Variants in ZNF208 observed in about 807,000 individuals in gnomAD.
ZNF208 encodes the protein zinc finger protein 208.
Under a neutral mutation model 12.1 loss-of-function variants are expected in ZNF208, and 10 were observed. The ratio of observed to expected loss-of-function variants is 0.83; its 90% CI spans 0.51 to 1.40. ZNF208 has a LOEUF of 1.40. Ranked by LOEUF, ZNF208 falls within the 40% of genes most tolerant of loss-of-function variation. The probability of loss-of-function intolerance (pLI) is 0.00; values close to 1 mark genes in which losing one functional copy is unlikely to be tolerated. For missense variants in ZNF208, 1,652 were observed against 1,485.0 expected, an observed-to-expected ratio of 1.11 and a Z score of -1.85; for synonymous variants, 497 against 488.4, an observed-to-expected ratio of 1.02 and a Z score of -0.23.
At position 21,988,883 on chromosome 19, in the gene ZNF208, G is replaced by A; in HGVS notation, c.30C>T (p.Ala10=). The A allele has an allele frequency of 6.2e-7, 1 of 1,613,984 alleles. No individual in the cohort carries two copies. The highest frequency in any genetic ancestry group is 8.5e-7 in the Non-Finnish European group (1 of 1,179,946). The change falls in exon 2 of 4, where the codon GCC becomes GCT. Residue 10 remains alanine, a synonymous_variant. Transcript: ENST00000397126. MGSLTFRDV[A]IEFSLEEWQC... ...GCCACTCCTCCAGAGAGAATTCTAT[G>A]GCCACATCCCTAAATGTCAATGATC...
In ZNF208 at chr19:21,974,345, C is replaced by T. The variant is rs61748345; in HGVS notation, c.689G>A (p.Arg230Lys). 4.0e-5 allele frequency: 64 copies of T among 1,612,634 alleles called. No individual in the cohort carries two copies. In the African/African-American group the frequency reaches 7.4e-4, roughly 19 times the overall value. Residue 230 changes from arginine (R) to lysine (K), a missense_variant, in exon 4 of 4, where the codon AGA becomes AAA. Physicochemically the swap from Arg to Lys is conservative, Grantham distance 26. Coordinates refer to ENST00000397126, the MANE Select transcript of ZNF208 (RefSeq NM_007153.3). ...KSAHTGEKPYRCKECGKAFSK... is the reference protein window; with the variant it reads ...KSAHTGEKPYKCKECGKAFSK... ...AAAGGCTTTGCCACATTCTTTACAT[C>T]TGTAGGGTTTCTCTCCAGTATGAGC...
At chr19:21,955,536 CTT>C (rs1196514221) in intron 4 of ZNF208, among the ~76,000 whole-genome samples, 4 of 152,176 alleles carry the variant, frequency 2.6e-5, no homozygotes, top group East Asian at 1.9e-4. Flanking sequence ...TCTTTTTACT[CTT>C]GTTTCTCTAA....
downstream of ZNF208, among the ~76,000 whole-genome samples, chr19:21,961,496 A>C (rs560341230): frequency 6.6e-6 from 1 of 152,230 alleles, no homozygotes; most frequent in Non-Finnish European, 1.5e-5. Flanking sequence ...AAACATCCTA[A>C]ACAACAGAAA....
In ZNF208 at chr19:21,972,737, T is replaced by C. The variant is rs1568444140; in HGVS notation, c.2297A>G (p.Tyr766Cys). The C allele has an allele frequency of 1.3e-6, 2 of 1,588,764 alleles. No homozygotes were observed. The highest frequency in any genetic ancestry group is 1.7e-6 in the Non-Finnish European group (2 of 1,166,146). ...KAYKWSSTLSYHKKIHTVEKP... is the reference protein window; with the variant it reads ...KAYKWSSTLSCHKKIHTVEKP... ...CTCTACAGTATGAATTTTCTTATGA[T>C]AACTAAGGGTTGAGGACCACTTATA... Residue 766 changes from tyrosine to cysteine, a missense_variant, in exon 4 of 4, where the codon TAT becomes TGT. Around this residue, in one of 3 missense-constraint regions of ZNF208, gnomAD observed 1,239 missense variants for 1,086.2 expected, o/e 1.14. Coordinates refer to ENST00000397126, the MANE Select transcript of ZNF208 (RefSeq NM_007153.3).
chr19:21,959,013 C>G (rs768391372), intron 4 of ZNF208, among the ~76,000 whole-genome samples: 3 of 151,834 alleles, frequency 2.0e-5, no homozygotes, highest in Non-Finnish European at 2.9e-5. Flanking sequence ...ACTTCGGAGG[C>G]TGAGATTGCT....
intron 4 of ZNF208, among the ~76,000 whole-genome samples, chr19:21,958,627 T>G (rs1301507688): frequency 6.6e-6 from 1 of 152,196 alleles, no homozygotes; most frequent in Admixed American, 6.5e-5. Context: ...TAAACCAGAT[T>G]GTTTCTTTTT....
At position 21,968,752 on chromosome 19, in the gene ZNF208, T is replaced by A. The variant is rs1970219028; in HGVS notation, c.*2439A>T. On this transcript the variant is annotated 3_prime_UTR_variant, in exon 4 of 4. Coordinates refer to ENST00000397126, the MANE Select transcript of ZNF208 (RefSeq NM_007153.3). ...CCTTGATTTTTTCGAATGCATTCAGTAGGCTTAGGTAAAACTCTTTGCAAT... is the reference window on the plus strand; with the variant it reads ...CCTTGATTTTTTCGAATGCATTCAGAAGGCTTAGGTAAAACTCTTTGCAAT... Among the ~76,000 whole-genome samples, 1 of 124,576 alleles carries A rather than the reference T, an allele frequency of 8.0e-6. No homozygotes were observed. The allele number at this position is 124,576 out of a possible 152,430, so 81.7% of individuals were successfully genotyped here.
At position 21,968,122 on chromosome 19, in the gene ZNF208, C is replaced by T. The variant is rs1032563256; in HGVS notation, c.*3069G>A. 2 of 152,036 alleles carry T rather than the reference C, an allele frequency of 1.3e-5. No individual in the cohort carries two copies. The highest frequency in any genetic ancestry group is 4.8e-5 in the African/African-American group (2 of 41,414). The allele number at this position is 152,036 out of a possible 1,614,324, so 9.4% of individuals were successfully genotyped here. On this transcript the variant is annotated 3_prime_UTR_variant, in exon 4 of 4. Transcript: ENST00000397126. ...ATTTTTTTTGAAGTCTTTTTCCAGGCTTAGAACTCTTTTGGTGAAACCTTT... is the reference window on the plus strand; with the variant it reads ...ATTTTTTTTGAAGTCTTTTTCCAGGTTTAGAACTCTTTTGGTGAAACCTTT...
chr19:21,952,248 G>A (rs1969901130), intron 4 of ZNF208, among the ~76,000 whole-genome samples: 1 of 152,158 alleles, frequency 6.6e-6, no homozygotes, highest in Non-Finnish European at 1.5e-5. Context: ...GCAGCAGATA[G>A]CTTCTGCAGA....
At chr19:21,956,836 C>T (rs936590709) in intron 4 of ZNF208, among the ~76,000 whole-genome samples, 1 of 152,136 alleles carries the variant, frequency 6.6e-6, no homozygotes, top group African/African-American at 2.4e-5. Flanking sequence ...ATAGGCTGCA[C>T]CCACTGTCCA....
chr19:21,989,515 C>T (rs2145568788), intron 1 of ZNF208, among the ~76,000 whole-genome samples: 1 of 152,166 alleles, frequency 6.6e-6, no homozygotes, highest in East Asian at 1.9e-4. Flanking sequence ...CAAGTCTTTG[C>T]TATTGTGAAT....
chr19:21,980,877 G>A (rs959813704), intron 3 of ZNF208, among the ~76,000 whole-genome samples: 2 of 151,990 alleles, frequency 1.3e-5, no homozygotes, highest in Non-Finnish European at 2.9e-5. Context: ...TAATAAAGGG[G>A]ACATCACCAC....
intron 4 of ZNF208, among the ~76,000 whole-genome samples, chr19:21,949,659 A>G (rs1268236962): frequency 6.6e-6 from 1 of 152,188 alleles, no homozygotes; most frequent in Non-Finnish European, 1.5e-5. Context: ...CCCATAAGGA[A>G]GGCATTTAAT....
Position 21,971,422 on chromosome 19 carries a change from T to C in ZNF208, c.3612A>G (p.Lys1204=). 6.2e-7 allele frequency: 1 copy of C among 1,610,076 alleles called. No homozygotes were observed. The highest frequency in any genetic ancestry group is 8.5e-7 in the Non-Finnish European group (1 of 1,179,344). The change falls in exon 4 of 4, where the codon AAA becomes AAG. Residue 1204 remains lysine (K), a synonymous_variant. Transcript: ENST00000397126. The stretch of plus-strand genomic sequence containing the variant: ...TAAGGGTTGAGGGCCACTTATAGGC[T>C]TTGCCACATTCTTCACATTTGTAGA... The part of the protein sequence containing the change: ...EKLYKCEECG[K]AYKWPSTLRY...
At chr19:22,007,657 T>C (rs1426534941) in intron 1 of ZNF208, among the ~76,000 whole-genome samples, 1 of 151,740 alleles carries the variant, frequency 6.6e-6, no homozygotes, top group Non-Finnish European at 1.5e-5. Flanking sequence ...CCTTTGTAAA[T>C]ATTTTCTTAC....
At chr19:22,008,959 C>T (rs1219541691) in intron 1 of ZNF208, among the ~76,000 whole-genome samples, 9 of 152,034 alleles carry the variant, frequency 5.9e-5, no homozygotes, top group African/African-American at 4.8e-5. Flanking sequence ...ATAGCCATGG[C>T]GGGTATCTTA....
At chr19:21,982,445 T>C (rs1970559718) in intron 3 of ZNF208, among the ~76,000 whole-genome samples, 1 of 150,938 alleles carries the variant, frequency 6.6e-6, no homozygotes, top group Non-Finnish European at 1.5e-5. Context: ...CCCAAGGTAA[T>C]TTATAGATTC....
At chr19:21,951,460 TA>T (rs1969886483) in intron 4 of ZNF208, among the ~76,000 whole-genome samples, 1 of 152,126 alleles carries the variant, frequency 6.6e-6, no homozygotes, top group African/African-American at 2.4e-5. Flanking sequence ...TTAAATTAAA[TA>T]AAGTGAAAGT....
chr19:21,951,630 A>G (rs780102219), intron 4 of ZNF208, among the ~76,000 whole-genome samples: 21 of 152,366 alleles, frequency 1.4e-4, no homozygotes, highest in Non-Finnish European at 2.9e-4. Context: ...ATCTGTACAT[A>G]TCAAAATTTC....
Sources: gnomAD v4.1 joint callset for allele counts (sites outside exome capture counted in the v4.1 genomes callset) on GRCh38, gnomAD v4.1.1 for gene constraint, gnomAD v4.1.1 regional missense constraint, MANE v1.5 for transcripts, NCBI Gene and HGNC (gene_info 2026-07-23, HGNC 2026-07-21) for gene names.